The following NR1D1 variants were observed in gnomAD, a reference collection of about 807,000 sequenced individuals.
The protein encoded by NR1D1 is Rev-ErbAalpha.
In NR1D1, 17 loss-of-function variants were observed where a neutral mutation model predicts 51.1. The observed-to-expected ratio is 0.33, with a 90% CI of 0.23 to 0.50. The LOEUF (loss-of-function observed/expected upper bound fraction) is 0.50. NR1D1 is among the 20% of genes least tolerant of loss of function. The pLI is 0.98. For missense variants in NR1D1, 647 were observed against 830.4 expected (o/e 0.78, Z 2.71); for synonymous variants, 341 against 333.4 (o/e 1.02, Z -0.25).
rs905732288 is a variant in NR1D1, at chr17:40,093,509, C to T, written c.1646-227G>A. On this transcript the variant is annotated intron_variant, in intron 7 of 7. Coordinates refer to ENST00000246672, the MANE Select transcript of NR1D1 (RefSeq NM_021724.5). This position sits in a 1 kb window ranked among gnomAD's most constrained non-coding sequence, Gnocchi z 5.9. Reference sequence around the variant, plus strand: ...CAGCAGGGCTGGTCACCTCCCATCCCGTAAGACCACCTTCCCTTCCTCAGC... The same window carrying T: ...CAGCAGGGCTGGTCACCTCCCATCCTGTAAGACCACCTTCCCTTCCTCAGC... The T allele has an allele frequency of 5.8e-5, 80 of 1,386,292 alleles. No individual in the cohort carries two copies. The highest frequency in any genetic ancestry group is 2.6e-4 in the Middle Eastern group (1 of 3,832). 85.9% of individuals were successfully genotyped at this position (1,386,292 alleles called of 1,614,324 possible). A position where few individuals can be genotyped will look rare whatever the true frequency, so the allele number is the denominator to read the frequency against.
rs771712780 is a variant in NR1D1 at position 40,092,971 on chromosome 17, A to G, written c.*112T>C. 2 of 1,584,536 alleles carry G rather than the reference A, an allele frequency of 1.3e-6. No homozygotes were observed. Among genetic ancestry groups the G allele is most frequent in the Admixed American group, 1.8e-5 (1 of 56,430 alleles). ...AGAGGCTCATCTTGGAATATTTTAT[A>G]ACAATATAAATAAGATTCTGGTTTG... On this transcript the variant is annotated 3_prime_UTR_variant, in exon 8 of 8. Coordinates refer to ENST00000246672, the MANE Select transcript of NR1D1 (RefSeq NM_021724.5).
chr17:40,100,110 G>C lies in NR1D1; in HGVS notation c.-16C>G, dbSNP rs368700302. Reference sequence around the variant, plus strand: ...GGGTCGTCATGTCTTCACCAGCTGAGAGCGGTCATTCAAACTGGACCTTGA... The same window carrying C: ...GGGTCGTCATGTCTTCACCAGCTGACAGCGGTCATTCAAACTGGACCTTGA... On this transcript the variant is annotated 5_prime_UTR_variant, in exon 1 of 8. Coordinates refer to ENST00000246672, the MANE Select transcript of NR1D1 (RefSeq NM_021724.5). 6.8e-6 allele frequency: 11 copies of C among 1,607,320 alleles called. No homozygotes were observed. The highest frequency in any genetic ancestry group is 2.7e-5 in the African/African-American group (2 of 74,926).
In NR1D1 at chr17:40,097,166, G is replaced by A. The variant is rs1473994704; in HGVS notation, c.269C>T (p.Ser90Phe). The A allele has an allele frequency of 1.2e-5, 19 of 1,611,704 alleles. No individual in the cohort carries two copies. The highest frequency in any genetic ancestry group is 1.5e-5 in the Non-Finnish European group (18 of 1,178,646). The change falls in exon 2 of 8, where the codon TCC (serine) becomes TTC (phenylalanine). Residue 90 changes from serine (S) to phenylalanine (F), a missense_variant. Coordinates refer to ENST00000246672, the MANE Select transcript of NR1D1 (RefSeq NM_021724.5). ...SPSSSSSSSS[S>F]SSSFYNGSPP... The stretch of plus-strand genomic sequence containing the variant: ...GCTCCCATTATAGAAGGAGGAGGAG[G>A]ATGACGACGAGGAAGATGAGGAAGA...
At position 40,095,537 on chromosome 17, in the gene NR1D1, C is replaced by T. The variant is rs773505231; in HGVS notation, c.1155G>A (p.Gly385=). The T allele has an allele frequency of 3.7e-6, 6 of 1,602,140 alleles. No individual in the cohort carries two copies. Among genetic ancestry groups the T allele is most frequent in the Admixed American group, 1.7e-5 (1 of 58,922 alleles). Residue 385 remains glycine (G), a synonymous_variant, in exon 5 of 8, where the codon GGG becomes GGA. Coordinates refer to ENST00000246672, the MANE Select transcript of NR1D1 (RefSeq NM_021724.5). ...ACACGTGGGTGGGGCATAGACGGTG[C>T]CCGTTGCTGTTGGACTGGTGGCAGC... ...HHSCHQSNSN[G]HRLCPTHVYA...
Position 40,095,128 on chromosome 17 carries a change from A to G in NR1D1, c.1249-8T>C. 6.3e-7 allele frequency: 1 copy of G among 1,597,720 alleles called. No homozygotes were observed. Among genetic ancestry groups the G allele is most frequent in the Non-Finnish European group, 8.6e-7 (1 of 1,169,170 alleles). On this transcript the variant is annotated splice_region_variant and splice_polypyrimidine_tract_variant and intron_variant, in intron 5 of 7. Transcript: ENST00000246672. ...CATGTTCATAGGACATGCCTGGGGG[A>G]GGAAAAGATTGAAGGAGGGGAGTGT...
chr17:40,098,983 G>A (rs962824008), intron 1 of NR1D1, among the ~76,000 whole-genome samples: 5 of 150,828 alleles, frequency 3.3e-5, no homozygotes, highest in African/African-American at 1.2e-4. Context: ...GGTCAGGAAT[G>A]GCTCCATGTT....
chr17:40,096,944 C>G (rs1036347222), intron 2 of NR1D1, 121 bp downstream of exon 2: 10 of 1,214,866 alleles, frequency 8.2e-6, no homozygotes, highest in African/African-American at 6.0e-5. Context: ...GCTGGTGCCA[C>G]TCTAGGAGAA....
Position 40,093,469 on chromosome 17 carries a change from C to CT in NR1D1, c.1646-188dup. Reference sequence around the variant, plus strand: ...CCCAAGAGCAGGAGGTGCCTGAAAGCTGGGAGCGTGGGCTCAGCAGGGCTG... The same window carrying CT: ...CCCAAGAGCAGGAGGTGCCTGAAAGCTTGGGAGCGTGGGCTCAGCAGGGCTG... On this transcript the variant is annotated intron_variant, in intron 7 of 7. Transcript: ENST00000246672. This position sits in a 1 kb window ranked among gnomAD's most constrained non-coding sequence, Gnocchi z 5.9. 1 of 1,490,998 alleles carries CT rather than the reference C, an allele frequency of 6.7e-7. No individual in the cohort carries two copies. The highest frequency in any genetic ancestry group is 1.3e-5 in the South Asian group (1 of 74,356). The allele number at this position is 1,490,998 out of a possible 1,614,324, so 92.4% of individuals were successfully genotyped here.
At chr17:40,096,193 C>G (rs1987759572) in intron 4 of NR1D1, 106 bp from the exon 5 acceptor site, 1 of 1,474,546 alleles carries the variant, frequency 6.8e-7, no homozygotes, top group Non-Finnish European at 9.1e-7. Flanking sequence ...TGGGGTTTCA[C>G]ATCAAAACTA....
Position 40,094,995 on chromosome 17 carries a change from C to A in NR1D1, c.1374G>T (p.Pro458=), listed in dbSNP as rs199710760. 1 of 1,614,164 alleles carries A rather than the reference C, an allele frequency of 6.2e-7. No individual in the cohort carries two copies. The highest frequency in any genetic ancestry group is 1.1e-5 in the South Asian group (1 of 91,092). ...REVVEFAKHI[P]GFRDLSQHDQ... is the part of the protein sequence containing the mutation. The stretch of plus-strand genomic sequence containing the variant: ...CATGCTGAGAAAGGTCACGGAAGCC[C>A]GGGATGTGTTTGGCAAACTCTACCA... The change falls in exon 6 of 8, where the codon CCG becomes CCT. Residue 458 remains proline, a synonymous_variant. Coordinates refer to ENST00000246672, the MANE Select transcript of NR1D1 (RefSeq NM_021724.5).
Position 40,100,178 on chromosome 17 carries a change from C to A in NR1D1, c.-84G>T. 6.5e-6 allele frequency: 7 copies of A among 1,079,870 alleles called. No homozygotes were observed. Among genetic ancestry groups the A allele is most frequent in the South Asian group, 1.3e-5 (1 of 79,712 alleles). The allele number at this position is 1,079,870 out of a possible 1,614,324, so 66.9% of individuals were successfully genotyped here. A position where few individuals can be genotyped will look rare whatever the true frequency, so the allele number is the denominator to read the frequency against. ...GATCGCCGCTGTTGCCCCCTGGGCA[C>A]TGGCTAAGGGCGGGGAGTGGACCCC... is the stretch of plus-strand genomic sequence containing the variant. On this transcript the variant is annotated 5_prime_UTR_variant, in exon 1 of 8. Coordinates refer to ENST00000246672, the MANE Select transcript of NR1D1 (RefSeq NM_021724.5).
intron 2 of NR1D1, 112 bp from the exon 3 acceptor site, chr17:40,096,891 A>G (rs1179219607): frequency 1.6e-6 from 2 of 1,249,060 alleles, no homozygotes; most frequent in Admixed American, 3.6e-5. Flanking sequence ...GAGGAACTCC[A>G]GTGTTGAGGG....
rs1323592330 is a variant in NR1D1, at chr17:40,093,406, AAGG to A, written c.1646-127_1646-125del. 2 of 1,599,380 alleles carry A rather than the reference AAGG, an allele frequency of 1.3e-6. No individual in the cohort carries two copies. On this transcript the variant is annotated intron_variant, in intron 7 of 7. Coordinates refer to ENST00000246672, the MANE Select transcript of NR1D1 (RefSeq NM_021724.5). The surrounding 1 kb of genome is among the most constrained non-coding windows in gnomAD (Gnocchi z 5.9). Reference sequence around the variant, plus strand: ...GAAGCCCCCCAGAAGGCCGATGGGGAAGGAGAAGGAGTGCCATACCTTCTCCCA... The same window carrying A: ...GAAGCCCCCCAGAAGGCCGATGGGGAAGAAGGAGTGCCATACCTTCTCCCA...
At position 40,097,135 on chromosome 17, in the gene NR1D1, AG is replaced by A; in HGVS notation, c.299del (p.Pro100LeufsTer26). 4 of 1,611,092 alleles carry A rather than the reference AG, an allele frequency of 2.5e-6. No individual in the cohort carries two copies. Among genetic ancestry groups the A allele is most frequent in the Non-Finnish European group, 3.4e-6 (4 of 1,178,422 alleles). On this transcript the variant is annotated frameshift_variant, in exon 2 of 8. Transcript: ENST00000246672. LOFTEE classifies it high-confidence loss of function. ...CCTCCATGGCCACTTGTAGACTCCC[AG>A]GGGGGCTCCCATTATAGAAGGAGGA... ...SSSSFYNGSP[P>X]GSLQVAMEDS...
chr17:40,097,659 G>C (rs1428400237), intron 1 of NR1D1, among the ~76,000 whole-genome samples: 3 of 152,158 alleles, frequency 2.0e-5, no homozygotes, highest in Admixed American at 1.3e-4. Context: ...GTGGCATCTC[G>C]CATATGTGCC....
chr17:40,100,329 T>C lies in NR1D1; in HGVS notation c.-235A>G. On this transcript the variant is annotated 5_prime_UTR_variant, in exon 1 of 8. Coordinates refer to ENST00000246672, the MANE Select transcript of NR1D1 (RefSeq NM_021724.5). Reference sequence around the variant, plus strand: ...CTTTGCATGGGAAGAGCAGAGAGAGTGTGTAGGGGGAATCAGCCTGCAGTA... The same window carrying C: ...CTTTGCATGGGAAGAGCAGAGAGAGCGTGTAGGGGGAATCAGCCTGCAGTA... 3.3e-6 allele frequency: 2 copies of C among 608,586 alleles called. No homozygotes were observed. The highest frequency in any genetic ancestry group is 3.8e-5 in the South Asian group (2 of 52,030). The allele number at this position is 608,586 out of a possible 1,614,324, so 37.7% of individuals were successfully genotyped here. A position where few individuals can be genotyped will look rare whatever the true frequency, so the allele number is the denominator to read the frequency against.
At chr17:40,096,315 G>C (rs1034855592) in intron 4 of NR1D1, 128 bp downstream of exon 4, 1 of 1,371,458 alleles carries the variant, frequency 7.3e-7, no homozygotes, top group Non-Finnish European at 9.8e-7. Flanking sequence ...GCAAATGAAG[G>C]ATGGACATCC....
In NR1D1 at chr17:40,095,640, T is replaced by G. The variant is rs375987799; in HGVS notation, c.1052A>C (p.His351Pro). The G allele has an allele frequency of 3.9e-5, 63 of 1,612,292 alleles. No homozygotes were observed. The highest frequency in any genetic ancestry group is 5.2e-5 in the Non-Finnish European group (61 of 1,178,832). The change falls in exon 5 of 8, where the codon CAT becomes CCT. Residue 351 changes from histidine (H) to proline (P), a missense_variant. This residue lies in a region of NR1D1 where 185 missense variants were observed against 176.3 expected (regional missense o/e 1.05). Transcript: ENST00000246672. ...NDNNTLAAQR[H>P]NEALNGLRQA... Reference sequence around the variant, plus strand: ...GCGCAGACCATTTAGGGCCTCGTTATGACGCTGGGCAGCCAAGGTGTTGTT... The same window carrying G: ...GCGCAGACCATTTAGGGCCTCGTTAGGACGCTGGGCAGCCAAGGTGTTGTT...
intron 1 of NR1D1, among the ~76,000 whole-genome samples, chr17:40,099,808 C>T (rs1987841569): frequency 6.6e-6 from 1 of 152,158 alleles, no homozygotes; most frequent in Non-Finnish European, 1.5e-5. Flanking sequence ...TACCTCCTCT[C>T]CATTTCCTCC....
Sources: gnomAD v4.1 joint callset for allele counts (sites outside exome capture counted in the v4.1 genomes callset) on GRCh38, gnomAD v4.1.1 for gene constraint, gnomAD v4.1.1 regional missense constraint, Gnocchi (gnomAD v3.1) non-coding constraint, MANE v1.5 for transcripts, NCBI Gene and HGNC (gene_info 2026-07-23, HGNC 2026-07-21) for gene names.